RABGAP1L: variants seen among roughly 807,000 people sequenced by gnomAD.
RABGAP1L encodes the protein rab GTPase-activating protein 1-like.
A neutral mutation model predicts 137.7 loss-of-function variants in RABGAP1L; 63 were observed. The observed-to-expected ratio is 0.46, with a 90% CI of 0.37 to 0.56. The LOEUF is 0.56. Ranked by LOEUF, RABGAP1L falls within the 20% of genes least tolerant of loss-of-function variation. The probability of loss-of-function intolerance (pLI) is 0.00; values close to 1 mark genes in which losing one functional copy is unlikely to be tolerated. For synonymous variants in RABGAP1L, 431 were observed against 433.7 expected (o/e 0.99, Z 0.08); for missense variants, 1,095 against 1,244.0 (o/e 0.88, Z 1.80).
intron 13 of RABGAP1L, among the ~76,000 whole-genome samples, chr1:174,540,374 A>C (rs915231763): frequency 6.6e-6 from 1 of 152,096 alleles, no homozygotes. Context: ...TGCCCATGCC[A>C]ATGTCCTAAA....
intron 19 of RABGAP1L, among the ~76,000 whole-genome samples, chr1:174,867,311 G>A (rs1251692510): frequency 6.6e-6 from 1 of 151,818 alleles, no homozygotes; most frequent in African/African-American, 2.4e-5. Context: ...AACCCGGGAG[G>A]TGGAGGTTGC....
chr1:174,442,045 T>A (rs1654219777), intron 13 of RABGAP1L, among the ~76,000 whole-genome samples: 1 of 152,018 alleles, frequency 6.6e-6, no homozygotes, highest in South Asian at 2.1e-4. Flanking sequence ...ATTTTCTGAA[T>A]GATATTTTTT....
At position 174,989,859 on chromosome 1, in the gene RABGAP1L, A is replaced by G; in HGVS notation, c.3014A>G (p.His1005Arg). ...EAKCKIQELE[H>R]QRGALMNEIQ... ...TCTTGCTTTAATTAGGAACTTGAAC[A>G]TCAGAGAGGAGCCCTTATGAATGAA... Residue 1005 changes from histidine (H) to arginine (R), a missense_variant, in exon 26 of 26, where the codon CAT (histidine) becomes CGT (arginine). Physicochemically the swap from His to Arg is conservative, Grantham distance 29. This residue lies in a region of RABGAP1L where 312 missense variants were observed against 435.6 expected (regional missense o/e 0.72). Coordinates refer to ENST00000681986, the MANE Select transcript of RABGAP1L (RefSeq NM_001366446.1). 2.6e-6 allele frequency: 4 copies of G among 1,550,472 alleles called. No individual in the cohort carries two copies. The highest frequency in any genetic ancestry group is 3.5e-6 in the Non-Finnish European group (4 of 1,146,860).
In RABGAP1L at chr1:174,409,389, G is replaced by A. The variant is rs147759251; in HGVS notation, c.1710+15244G>A. Among the ~76,000 whole-genome samples the A allele has an allele frequency of 9.2e-3, 1,396 of 151,934 alleles. 25 individuals carry two copies. Among genetic ancestry groups the A allele is most frequent in the African/African-American group, 0.032 (1,328 of 41,468 alleles). On this transcript the variant is annotated intron_variant, in intron 13 of 25. Coordinates refer to ENST00000681986, the MANE Select transcript of RABGAP1L (RefSeq NM_001366446.1). Reference sequence around the variant, plus strand: ...TTAATCTCTTAATCCTGTTATCTTCGTAAGCTGAGGATGTACATCACTTCG... The same window carrying A: ...TTAATCTCTTAATCCTGTTATCTTCATAAGCTGAGGATGTACATCACTTCG...
chr1:174,866,866 T>C (rs1651340848), intron 19 of RABGAP1L, among the ~76,000 whole-genome samples: 1 of 152,092 alleles, frequency 6.6e-6, no homozygotes, highest in South Asian at 2.1e-4. Flanking sequence ...TGAGCTGTGA[T>C]CGTGCCACTG....
At chr1:174,974,214 T>G (rs1360249881) in intron 21 of RABGAP1L, among the ~76,000 whole-genome samples, 1 of 151,888 alleles carries the variant, frequency 6.6e-6, no homozygotes, top group Non-Finnish European at 1.5e-5. Flanking sequence ...ATGGCCTCGA[T>G]CTCCTGACCT....
chr1:174,860,320 A>G lies in RABGAP1L; in HGVS notation c.2340+48360A>G, dbSNP rs866601663. 1.2e-4 allele frequency among the ~76,000 whole-genome samples: 18 copies of G among 152,282 alleles called. No individual in the cohort carries two copies. The South Asian group carries it at 2.7e-3, about 23-fold the overall frequency. The stretch of plus-strand genomic sequence containing the variant: ...AGGATATTTTATTTATATAAATCTT[A>G]GCCATGCCCAGTGGTACACACCTAC... On this transcript the variant is annotated intron_variant, in intron 19 of 25. Transcript: ENST00000681986.
chr1:174,203,246 T>C (rs2860907), intron 1 of RABGAP1L, among the ~76,000 whole-genome samples: 56,280 of 152,012 alleles, frequency 0.37, 12,713 homozygotes, highest in African/African-American at 0.63. Flanking sequence ...ATCCCATCAC[T>C]ATTTATTGAA....
intron 19 of RABGAP1L, chr1:174,875,470 G>T (rs1041480364): frequency 2.1e-6 from 2 of 956,316 alleles, no homozygotes; most frequent in African/African-American, 3.5e-5. Context: ...AGGGAGTAAG[G>T]CATTGTGGGA....
chr1:174,510,218 G>A (rs180962825), intron 13 of RABGAP1L, among the ~76,000 whole-genome samples: 156 of 152,212 alleles, frequency 1.0e-3, no homozygotes, highest in African/African-American at 3.4e-3. Flanking sequence ...AAATGGAATG[G>A]ATTTTTCCCC....
At chr1:174,775,644 G>A (rs1185955736) in intron 18 of RABGAP1L, among the ~76,000 whole-genome samples, 2 of 152,014 alleles carry the variant, frequency 1.3e-5, no homozygotes, top group African/African-American at 4.8e-5. Context: ...ACAATCAGCA[G>A]TCTATATAGT....
chr1:174,601,956 C>T (rs575613746), intron 13 of RABGAP1L, among the ~76,000 whole-genome samples: 1 of 152,140 alleles, frequency 6.6e-6, no homozygotes, highest in Non-Finnish European at 1.5e-5. Context: ...CCTGAGACCA[C>T]GTAAGCCTGG....
At chr1:174,699,720 G>T in intron 16 of RABGAP1L, 70 bp downstream of exon 16, 1 of 1,404,550 alleles carries the variant, frequency 7.1e-7, no homozygotes, top group Non-Finnish European at 9.8e-7. Flanking sequence ...AATAGAGTTG[G>T]TAAGCAATAA....
At chr1:174,836,102 A>G (rs1692722065) in intron 19 of RABGAP1L, among the ~76,000 whole-genome samples, 1 of 152,366 alleles carries the variant, frequency 6.6e-6, no homozygotes, top group East Asian at 1.9e-4. Context: ...AGCAGCTAGC[A>G]TATATTAAAA....
At chr1:174,179,577 C>T (rs1163923704) in intron 1 of RABGAP1L, among the ~76,000 whole-genome samples, 6 of 144,950 alleles carry the variant, frequency 4.1e-5, no homozygotes, top group African/African-American at 1.7e-4. Flanking sequence ...CACACACACA[C>T]ACACACTTTT....
rs1160273767 is a variant in RABGAP1L at position 174,690,799 on chromosome 1, C to G, written c.1899+7203C>G. 3.3e-5 allele frequency among the ~76,000 whole-genome samples: 5 copies of G among 150,050 alleles called. No homozygotes were observed. In the East Asian group the frequency reaches 9.7e-4, roughly 29 times the overall value. On this transcript the variant is annotated intron_variant, in intron 15 of 25. Coordinates refer to ENST00000681986, the MANE Select transcript of RABGAP1L (RefSeq NM_001366446.1). The stretch of plus-strand genomic sequence containing the variant: ...CAAAAAATGAAGACATGATAAATAA[C>G]CTTGAGTTTGAAGGTTCACCAGCAT...
chr1:174,413,191 T>G lies in RABGAP1L; in HGVS notation c.1710+19046T>G, dbSNP rs554641342. Among the ~76,000 whole-genome samples the G allele has an allele frequency of 2.6e-5, 4 of 152,324 alleles. No individual in the cohort carries two copies. The South Asian group carries it at 8.3e-4, about 32-fold the overall frequency. ...TTTTTCTTTATTTTTGTTGACTGTA[T>G]TAGTTCAAAACACTGGTCTTCAGGC... On this transcript the variant is annotated intron_variant, in intron 13 of 25. Transcript: ENST00000681986.
chr1:174,796,863 C>T (rs964837249), intron 18 of RABGAP1L, among the ~76,000 whole-genome samples: 6 of 151,854 alleles, frequency 4.0e-5, no homozygotes, highest in African/African-American at 1.2e-4. Flanking sequence ...AAAAGTTAGC[C>T]GGGCATGGTG....
chr1:174,736,567 A>T (rs944000900), intron 17 of RABGAP1L, among the ~76,000 whole-genome samples: 1 of 152,224 alleles, frequency 6.6e-6, no homozygotes, highest in African/African-American at 2.4e-5. Context: ...TTCACTAGGC[A>T]GTGCCCTGGT....
Sources: allele counts gnomAD v4.1 joint callset (sites outside exome capture counted in the v4.1 genomes callset), GRCh38; gene constraint gnomAD v4.1.1; regional missense constraint gnomAD v4.1.1; transcripts MANE v1.5; gene names NCBI Gene and HGNC (gene_info 2026-07-23, HGNC 2026-07-21).